The following E2F5 variants were observed in gnomAD, a reference collection of about 807,000 sequenced individuals.
E2F5 encodes the protein E2F transcription factor 5, also known as transcription factor E2F5.
A neutral mutation model predicts 39.1 loss-of-function variants in E2F5; 23 were observed. The ratio of observed to expected loss-of-function variants is 0.59; its 90% CI spans 0.42 to 0.83. The LOEUF (loss-of-function observed/expected upper bound fraction) is 0.83. E2F5 is among the 40% of genes least tolerant of loss of function. E2F5 has a pLI of 0.00. For synonymous variants in E2F5, 145 were observed against 157.8 expected, an observed-to-expected ratio of 0.92 and a Z score of 0.61; for missense variants, 365 against 406.7, an observed-to-expected ratio of 0.90 and a Z score of 0.88.
rs4150904 is a variant in E2F5, at chr8:85,194,121, G to C, written c.235-8026G>C. Among the ~76,000 whole-genome samples the C allele has an allele frequency of 7.9e-3, 1,197 of 152,104 alleles. 21 individuals are homozygous for C. The highest frequency in any genetic ancestry group is 0.028 in the African/African-American group (1,145 of 41,498). ...TTTCTATGTTTTAATTATTGAGATA[G>C]TCTAATCTTTTTATTTCTTCTATAT... On this transcript the variant is annotated intron_variant, in intron 1 of 7. Transcript: ENST00000416274.
intron 1 of E2F5, among the ~76,000 whole-genome samples, chr8:85,186,924 T>C (rs1812356987): frequency 6.9e-6 from 1 of 145,688 alleles, no homozygotes; most frequent in African/African-American, 2.5e-5. Context: ...TGTATATATA[T>C]AAATTCCTCC....
At chr8:85,207,005 GT>G (rs1301156502) in intron 4 of E2F5, among the ~76,000 whole-genome samples, 2 of 152,104 alleles carry the variant, frequency 1.3e-5, no homozygotes, top group East Asian at 3.8e-4. Context: ...ACAGAGATTT[GT>G]TGTAGAATTT....
intron 6 of E2F5, among the ~76,000 whole-genome samples, chr8:85,211,403 A>AAAATAAAT (rs757640300): frequency 6.6e-6 from 1 of 151,824 alleles, no homozygotes; most frequent in Non-Finnish European, 1.5e-5. Flanking sequence ...ATCCTGTCTC[A>AAAATAAAT]AAATAAATAA....
At chr8:85,180,300 C>A (rs10091577) in intron 1 of E2F5, among the ~76,000 whole-genome samples, 96,426 of 151,408 alleles carry the variant, frequency 0.64, 31,372 homozygotes, top group Non-Finnish European at 0.69. Flanking sequence ...GGATTACAGG[C>A]GTGAGCCACC....
At chr8:85,210,851 A>G (rs1812901743) in intron 6 of E2F5, among the ~76,000 whole-genome samples, 1 of 152,156 alleles carries the variant, frequency 6.6e-6, no homozygotes. Context: ...CATGTTTGGA[A>G]ATCCTAACTA....
At chr8:85,184,291 A>C (rs4150858) in intron 1 of E2F5, among the ~76,000 whole-genome samples, 3,658 of 152,264 alleles carry the variant, frequency 0.024, 132 homozygotes, top group African/African-American at 0.083. Context: ...AATAGATGCA[A>C]AAAGGCCTTC....
intron 5 of E2F5, 99 bp downstream of exon 5, chr8:85,207,588 A>G: frequency 1.1e-6 from 1 of 930,270 alleles, no homozygotes; most frequent in Non-Finnish European, 1.6e-6. Context: ...TTGTGTAAAC[A>G]CTGTGAGTTA....
chr8:85,181,758 G>A (rs1173962209), intron 1 of E2F5, among the ~76,000 whole-genome samples: 3 of 151,158 alleles, frequency 2.0e-5, no homozygotes, highest in African/African-American at 7.3e-5. Context: ...TCAGGAGTTC[G>A]AGACCAGCCT....
At chr8:85,183,617 G>A (rs1812269103) in intron 1 of E2F5, among the ~76,000 whole-genome samples, 1 of 152,146 alleles carries the variant, frequency 6.6e-6, no homozygotes, top group South Asian at 2.1e-4. Flanking sequence ...AAACTTTGAG[G>A]ACATAATGCT....
At position 85,207,440 on chromosome 8, in the gene E2F5, C is replaced by T; in HGVS notation, c.566C>T (p.Ala189Val). ...CNCFNGDTLL[A>V]IQAPSGTQLE... is the part of the protein sequence containing the mutation. ...TTTTGACCAGGTGATACACTTTTGG[C>T]CATTCAGGCACCTTCTGGTACACAA... The change falls in exon 5 of 8, where the codon GCC becomes GTC. Residue 189 changes from alanine to valine, a missense_variant. By Grantham distance (64) the Ala-to-Val change is moderately conservative. Coordinates refer to ENST00000416274, the MANE Select transcript of E2F5 (RefSeq NM_001951.4). The T allele has an allele frequency of 6.4e-7, 1 of 1,559,776 alleles. No homozygotes were observed. The highest frequency in any genetic ancestry group is 8.7e-7 in the Non-Finnish European group (1 of 1,150,790).
chr8:85,191,505 G>T (rs1812464230), intron 1 of E2F5, among the ~76,000 whole-genome samples: 1 of 152,196 alleles, frequency 6.6e-6, no homozygotes, highest in South Asian at 2.1e-4. Context: ...ATTCCACAAT[G>T]TATACATATA....
chr8:85,208,064 C>T (rs777779684), intron 5 of E2F5, among the ~76,000 whole-genome samples: 14 of 152,192 alleles, frequency 9.2e-5, no homozygotes, highest in Admixed American at 8.5e-4. Context: ...TGCAGTGGCT[C>T]ATGCCTGTAA....
chr8:85,177,411 C>T lies in E2F5; in HGVS notation c.-10C>T. 6.1e-6 allele frequency: 6 copies of T among 987,830 alleles called. No individual in the cohort carries two copies. The highest frequency in any genetic ancestry group is 7.2e-6 in the Non-Finnish European group (6 of 832,596). 61.2% of individuals were successfully genotyped at this position (987,830 alleles called of 1,614,324 possible). A position where few individuals can be genotyped will look rare whatever the true frequency, so the allele number is the denominator to read the frequency against. ...GCGCGGGGGCCCGACCACCGCGGGG[C>T]CGGGACGCGATGGCGGCGGCAGAGC... On this transcript the variant is annotated 5_prime_UTR_variant, in exon 1 of 8. Coordinates refer to ENST00000416274, the MANE Select transcript of E2F5 (RefSeq NM_001951.4).
At chr8:85,195,612 C>A (rs1354286361) in intron 1 of E2F5, among the ~76,000 whole-genome samples, 1 of 152,040 alleles carries the variant, frequency 6.6e-6, no homozygotes, top group Non-Finnish European at 1.5e-5. Flanking sequence ...ACTTTAGCCT[C>A]CCAAATAGCT....
intron 1 of E2F5, among the ~76,000 whole-genome samples, chr8:85,195,314 C>T (rs928529027): frequency 6.6e-6 from 1 of 151,878 alleles, no homozygotes; most frequent in Non-Finnish European, 1.5e-5. Context: ...ACCCAGGAGG[C>T]GGAGGTTGCA....
At position 85,186,315 on chromosome 8, in the gene E2F5, A is replaced by G. The variant is rs558352177; in HGVS notation, c.234+8661A>G. 6.6e-5 allele frequency among the ~76,000 whole-genome samples: 10 copies of G among 151,982 alleles called. No homozygotes were observed. The East Asian group carries it at 1.5e-3, about 24-fold the overall frequency. On this transcript the variant is annotated intron_variant, in intron 1 of 7. Coordinates refer to ENST00000416274, the MANE Select transcript of E2F5 (RefSeq NM_001951.4). The stretch of plus-strand genomic sequence containing the variant: ...GTAAGTGGGAGTTGAACAAGAACAC[A>G]TGGACACAGGGAGGGGAACATCACA...
intron 6 of E2F5, among the ~76,000 whole-genome samples, chr8:85,211,643 GTTTTTTTTTTT>G (rs950695727): frequency 9.2e-4 from 48 of 52,210 alleles, no homozygotes; most frequent in African/African-American, 3.4e-3. Context: ...GTTTGTTGTT[GTTTTTTTTTTT>G]TTTTTTTTTT....
intron 1 of E2F5, among the ~76,000 whole-genome samples, chr8:85,182,891 C>T (rs932552939): frequency 1.3e-5 from 2 of 152,126 alleles, no homozygotes; most frequent in Admixed American, 6.5e-5. Flanking sequence ...TCTTATCTGA[C>T]AGGTCCCTGA....
In E2F5 at chr8:85,209,323, G is replaced by A. The variant is rs758646232; in HGVS notation, c.797G>A (p.Ser266Asn). Residue 266 changes from serine to asparagine, a missense_variant, in exon 6 of 8, where the codon AGC (serine) becomes AAC (asparagine). Coordinates refer to ENST00000416274, the MANE Select transcript of E2F5 (RefSeq NM_001951.4). ...SLTPVTPQKS[S>N]MATQNLPEQH... The stretch of plus-strand genomic sequence containing the variant: ...ACTCCAGTGACTCCACAGAAATCCA[G>A]CATGGCAACTCAAAATCTGCCTGAG... 7 of 1,613,870 alleles carry A rather than the reference G, an allele frequency of 4.3e-6. No homozygotes were observed. In the Admixed American group the frequency reaches 1.2e-4, roughly 27 times the overall value.
Sources: allele counts gnomAD v4.1 joint callset (sites outside exome capture counted in the v4.1 genomes callset), GRCh38; gene constraint gnomAD v4.1.1; transcripts MANE v1.5; gene names NCBI Gene and HGNC (gene_info 2026-07-23, HGNC 2026-07-21).